The following GRIA1 variants were observed in gnomAD, a reference collection of about 807,000 sequenced individuals.
The protein encoded by GRIA1 is glutamate ionotropic receptor AMPA type subunit 1, also known as glutamate receptor 1.
Under a neutral mutation model 99.2 loss-of-function variants are expected in GRIA1, and 31 were observed. The observed-to-expected ratio is 0.31, with a 90% CI of 0.23 to 0.42. GRIA1 has a LOEUF of 0.42. Ranked by LOEUF, GRIA1 falls within the 10% of genes least tolerant of loss-of-function variation. The probability of loss-of-function intolerance (pLI) is 1.00; values close to 1 mark genes in which losing one functional copy is unlikely to be tolerated. For synonymous variants in GRIA1, 438 were observed against 432.4 expected, an observed-to-expected ratio of 1.01 and a Z score of -0.16; for missense variants, 782 against 1,157.5, an observed-to-expected ratio of 0.68 and a Z score of 4.71.
intron 11 of GRIA1, among the ~76,000 whole-genome samples, chr5:153,733,069 G>C (rs1761154933): frequency 6.6e-6 from 1 of 151,082 alleles, no homozygotes; most frequent in Non-Finnish European, 1.5e-5. Flanking sequence ...TTAGTATAAA[G>C]GCTAAAAGAT....
intron 4 of GRIA1, among the ~76,000 whole-genome samples, chr5:153,654,854 C>A (rs1754825206): frequency 6.6e-6 from 1 of 152,190 alleles, no homozygotes; most frequent in African/African-American, 2.4e-5. Flanking sequence ...TCTAGTTAAT[C>A]TGCAGGCTGA....
chr5:153,525,843 C>T lies in GRIA1; in HGVS notation c.220+31778C>T, dbSNP rs188750745. On this transcript the variant is annotated intron_variant, in intron 2 of 15. Transcript: ENST00000285900. ...TCATTTCCCTGGCTTGGTTGGAACACACTCCACTCAGTAAGTTGGAGAGTC... is the reference window on the plus strand; with the variant it reads ...TCATTTCCCTGGCTTGGTTGGAACATACTCCACTCAGTAAGTTGGAGAGTC... 1.2e-4 allele frequency among the ~76,000 whole-genome samples: 18 copies of T among 152,308 alleles called. No individual in the cohort carries two copies. The East Asian group carries it at 3.1e-3, about 26-fold the overall frequency.
chr5:153,610,427 A>G (rs1765877092), intron 2 of GRIA1, among the ~76,000 whole-genome samples: 1 of 152,272 alleles, frequency 6.6e-6, no homozygotes. Flanking sequence ...AAAACCCTAC[A>G]AAGATTTCCA....
chr5:153,565,954 G>A (rs1311133676), intron 2 of GRIA1, among the ~76,000 whole-genome samples: 1 of 152,058 alleles, frequency 6.6e-6, no homozygotes, highest in Non-Finnish European at 1.5e-5. Flanking sequence ...AAGTTGTCAT[G>A]TGGCCATATG....
rs573746183 is a variant in GRIA1, at chr5:153,767,175, C to T, written c.2022+2543C>T. Among the ~76,000 whole-genome samples the T allele has an allele frequency of 2.0e-5, 3 of 152,328 alleles. No homozygotes were observed. The South Asian group carries it at 6.2e-4, about 32-fold the overall frequency. On this transcript the variant is annotated intron_variant, in intron 12 of 15. Coordinates refer to ENST00000285900, the MANE Select transcript of GRIA1 (RefSeq NM_000827.4). ...AAAAAAAGGCATAATTATTAGTAGT[C>T]ATTGCACTACTTACAGAATGCCTTC...
chr5:153,610,150 T>A (rs1000653874), intron 2 of GRIA1, among the ~76,000 whole-genome samples: 3 of 152,166 alleles, frequency 2.0e-5, no homozygotes, highest in Admixed American at 6.5e-5. Flanking sequence ...AGTTGTGATG[T>A]GAGACCAGGA....
At chr5:153,786,631 T>A (rs1475453036) in intron 13 of GRIA1, among the ~76,000 whole-genome samples, 1 of 152,172 alleles carries the variant, frequency 6.6e-6, no homozygotes, top group Admixed American at 6.5e-5. Context: ...GAAGGCTTTA[T>A]AATCAAGTTG....
chr5:153,713,872 A>C (rs1310232478), intron 11 of GRIA1, among the ~76,000 whole-genome samples: 1 of 152,234 alleles, frequency 6.6e-6, no homozygotes, highest in East Asian at 1.9e-4. Flanking sequence ...TTTCTTTAGC[A>C]ACTGTTATTT....
At chr5:153,509,984 C>CTAAGTCTCTTTGA (rs1298351080) in intron 2 of GRIA1, among the ~76,000 whole-genome samples, 9 of 152,152 alleles carry the variant, frequency 5.9e-5, no homozygotes, top group African/African-American at 2.2e-4. Context: ...GTAAGGAGAT[C>CTAAGTCTCTTTGA]TCTAGATCTA....
rs1440315331 is a variant in GRIA1, at chr5:153,697,853, G to C, written c.1135-191G>C. On this transcript the variant is annotated intron_variant, in intron 8 of 15. Coordinates refer to ENST00000285900, the MANE Select transcript of GRIA1 (RefSeq NM_000827.4). ...ATTATTGTGGGGATTTTCCCTGGGA[G>C]CAAAATTGGGGGCACCTGAAAAGCA... 2.0e-5 allele frequency among the ~76,000 whole-genome samples: 3 copies of C among 152,176 alleles called. No individual in the cohort carries two copies. The South Asian group carries it at 6.2e-4, about 32-fold the overall frequency.
chr5:153,496,309 A>G (rs1331480217), intron 2 of GRIA1, among the ~76,000 whole-genome samples: 6 of 152,214 alleles, frequency 3.9e-5, no homozygotes, highest in African/African-American at 9.6e-5. Flanking sequence ...GCTGCCATCC[A>G]TGAACTAGTG....
intron 6 of GRIA1, among the ~76,000 whole-genome samples, chr5:153,675,132 T>C (rs1054853028): frequency 2.6e-5 from 4 of 152,190 alleles, no homozygotes; most frequent in Non-Finnish European, 4.4e-5. Flanking sequence ...ATTCATATGC[T>C]ATTGATCGTA....
intron 2 of GRIA1, among the ~76,000 whole-genome samples, chr5:153,569,409 G>A (rs2149360989): frequency 6.6e-6 from 1 of 152,294 alleles, no homozygotes; most frequent in Admixed American, 6.5e-5. Context: ...AGAATTTCAG[G>A]CCAAATAAAA....
intron 13 of GRIA1, among the ~76,000 whole-genome samples, chr5:153,790,140 G>A (rs1765207184): frequency 6.6e-6 from 1 of 152,162 alleles, no homozygotes; most frequent in African/African-American, 2.4e-5. Flanking sequence ...CTGATGGCAA[G>A]TGGAAAATCT....
chr5:153,589,304 T>C (rs1763759337), intron 2 of GRIA1, among the ~76,000 whole-genome samples: 1 of 152,202 alleles, frequency 6.6e-6, no homozygotes, highest in Admixed American at 6.5e-5. Context: ...TGGATCACTC[T>C]AATGGAAGTG....
At chr5:153,646,709 G>A (rs62384412) in intron 2 of GRIA1, among the ~76,000 whole-genome samples, 188 of 152,310 alleles carry the variant, frequency 1.2e-3, no homozygotes, top group Non-Finnish European at 2.1e-3. Flanking sequence ...GAATGTGTGA[G>A]TGGGGTAGTT....
intron 14 of GRIA1, among the ~76,000 whole-genome samples, chr5:153,801,797 G>A (rs966165538): frequency 4.6e-5 from 7 of 151,946 alleles, no homozygotes; most frequent in African/African-American, 1.7e-4. Flanking sequence ...ATATCAGTTG[G>A]TCTTTATTAT....
At position 153,597,436 on chromosome 5, in the gene GRIA1, G is replaced by T. The variant is rs1006140497; in HGVS notation, c.221-49492G>T. On this transcript the variant is annotated intron_variant, in intron 2 of 15. Coordinates refer to ENST00000285900, the MANE Select transcript of GRIA1 (RefSeq NM_000827.4). ...AGAACTCAGGTTCTATAGGCAGACT[G>T]CCAGGGTTTGTATTCTGGTTGCTTC... is the stretch of plus-strand genomic sequence containing the variant. Among the ~76,000 whole-genome samples, 4 of 152,164 alleles carry T rather than the reference G, an allele frequency of 2.6e-5. No individual in the cohort carries two copies. The East Asian group carries it at 5.8e-4, about 22-fold the overall frequency.
intron 11 of GRIA1, among the ~76,000 whole-genome samples, chr5:153,720,101 TTAAAA>T (rs1245604882): frequency 6.6e-6 from 1 of 152,238 alleles, no homozygotes; most frequent in Non-Finnish European, 1.5e-5. Flanking sequence ...GAATGGGGTC[TTAAAA>T]TACATATAGT....
Sources: gnomAD v4.1 joint callset for allele counts (sites outside exome capture counted in the v4.1 genomes callset) on GRCh38, gnomAD v4.1.1 for gene constraint, MANE v1.5 for transcripts, NCBI Gene and HGNC (gene_info 2026-07-23, HGNC 2026-07-21) for gene names.